MARCHF1: variants seen among roughly 807,000 people sequenced by gnomAD.
MARCHF1 encodes the protein membrane associated ring-CH-type finger 1.
Under a neutral mutation model 54.2 loss-of-function variants are expected in MARCHF1, and 40 were observed. That is an observed-to-expected ratio of 0.74 (90% CI 0.57 to 0.96). MARCHF1 has a LOEUF of 0.96. MARCHF1 is among the 40% of genes least tolerant of loss of function. The pLI is 0.00. For missense variants in MARCHF1, 586 were observed against 656.5 expected (o/e 0.89, Z 1.17); for synonymous variants, 236 against 236.3 (o/e 1.00, Z 0.01).
intron 1 of MARCHF1, among the ~76,000 whole-genome samples, chr4:164,150,249 C>T (rs1163530798): frequency 4.6e-5 from 7 of 152,072 alleles, no homozygotes; most frequent in Non-Finnish European, 8.8e-5. Context: ...TAATTTGTTA[C>T]AAACTTTATT....
intron 2 of MARCHF1, among the ~76,000 whole-genome samples, chr4:164,014,936 T>C (rs759434696): frequency 6.0e-4 from 91 of 152,148 alleles, no homozygotes; most frequent in Non-Finnish European, 1.6e-4. Context: ...AATAGCTTGA[T>C]ACTTCAACAC....
At chr4:163,921,742 T>A (rs1162723929) in intron 3 of MARCHF1, among the ~76,000 whole-genome samples, 1 of 152,172 alleles carries the variant, frequency 6.6e-6, no homozygotes, top group Non-Finnish European at 1.5e-5. Flanking sequence ...AAGAATTAAA[T>A]TTTTGGATGA....
intron 1 of MARCHF1, among the ~76,000 whole-genome samples, chr4:164,359,455 A>G (rs530498744): frequency 2.4e-4 from 37 of 152,132 alleles, no homozygotes; most frequent in Admixed American, 7.2e-4. Flanking sequence ...GAAGAGAGAC[A>G]TTTCCTATGG....
At chr4:163,539,001 T>TTTATTTATTTA (rs1738630497) in intron 9 of MARCHF1, among the ~76,000 whole-genome samples, 5 of 148,990 alleles carry the variant, frequency 3.4e-5, no homozygotes, top group African/African-American at 1.2e-4. Flanking sequence ...CTCCTGATGC[T>TTTATTTATTTA]TTTATTTATT....
chr4:164,086,900 AAGAC>A (rs1402878331), intron 2 of MARCHF1, among the ~76,000 whole-genome samples: 3 of 152,142 alleles, frequency 2.0e-5, no homozygotes, highest in Non-Finnish European at 4.4e-5. Context: ...TAATTTCAAA[AAGAC>A]AGACAATAAA....
At chr4:164,235,761 A>AT (rs984982828) in intron 1 of MARCHF1, among the ~76,000 whole-genome samples, 14 of 151,560 alleles carry the variant, frequency 9.2e-5, no homozygotes, top group Admixed American at 6.6e-5. Flanking sequence ...GGCCCTGGGG[A>AT]TAAAAAAAAC....
intron 1 of MARCHF1, among the ~76,000 whole-genome samples, chr4:164,129,331 T>G (rs569092121): frequency 2.0e-5 from 3 of 152,316 alleles, no homozygotes; most frequent in Admixed American, 1.3e-4. Context: ...AATTTTATAG[T>G]GGCTTGGTAA....
intron 2 of MARCHF1, among the ~76,000 whole-genome samples, chr4:164,060,988 T>C (rs1039116015): frequency 6.6e-6 from 1 of 152,164 alleles, no homozygotes; most frequent in Non-Finnish European, 1.5e-5. Flanking sequence ...TATTAATTAA[T>C]ACTCTAACAA....
At chr4:163,999,829 T>A (rs1430442678) in intron 2 of MARCHF1, among the ~76,000 whole-genome samples, 1 of 151,672 alleles carries the variant, frequency 6.6e-6, no homozygotes, top group Non-Finnish European at 1.5e-5. Flanking sequence ...ATGATTATTA[T>A]CTCCATTTAA....
At chr4:164,080,302 A>G (rs544670494) in intron 2 of MARCHF1, among the ~76,000 whole-genome samples, 19 of 152,370 alleles carry the variant, frequency 1.2e-4, no homozygotes, top group African/African-American at 4.3e-4. Context: ...GCAGCATCTA[A>G]GCCCTGCTCA....
intron 5 of MARCHF1, among the ~76,000 whole-genome samples, chr4:163,698,701 C>T (rs527922015): frequency 1.3e-5 from 2 of 152,040 alleles, no homozygotes; most frequent in Admixed American, 6.6e-5. Context: ...ACATGATAAA[C>T]GGGCTGGATT....
chr4:163,787,432 T>A (rs1431667567), intron 4 of MARCHF1, among the ~76,000 whole-genome samples: 3 of 151,702 alleles, frequency 2.0e-5, no homozygotes, highest in Non-Finnish European at 4.4e-5. Flanking sequence ...AGACATCTCT[T>A]CAGAGAAGAC....
chr4:164,066,632 G>T (rs1754735644), intron 2 of MARCHF1, among the ~76,000 whole-genome samples: 2 of 152,178 alleles, frequency 1.3e-5, no homozygotes, highest in African/African-American at 2.4e-5. Context: ...GCCCTTCAAT[G>T]ATAGGCTGGA....
intron 1 of MARCHF1, among the ~76,000 whole-genome samples, chr4:164,140,289 G>T (rs965023421): frequency 6.7e-6 from 1 of 149,176 alleles, no homozygotes; most frequent in Non-Finnish European, 1.5e-5. Context: ...CTATAGAATT[G>T]ATGTTTATCA....
At chr4:163,673,166 C>T (rs75512120) in intron 5 of MARCHF1, among the ~76,000 whole-genome samples, 4,791 of 152,222 alleles carry the variant, frequency 0.031, 92 homozygotes, top group Middle Eastern at 0.048. Context: ...TTTAGAGCAA[C>T]TAATTTTCAT....
chr4:164,052,506 TG>T (rs1160692717), intron 2 of MARCHF1, among the ~76,000 whole-genome samples: 3 of 151,980 alleles, frequency 2.0e-5, no homozygotes, highest in South Asian at 4.2e-4. Flanking sequence ...CACTGCAGCC[TG>T]GGTGACAGAG....
intron 1 of MARCHF1, among the ~76,000 whole-genome samples, chr4:164,120,925 G>C (rs920686025): frequency 2.6e-5 from 4 of 151,434 alleles, no homozygotes; most frequent in Admixed American, 1.3e-4. Flanking sequence ...TGAATAACTA[G>C]AAAACAAGAG....
At chr4:163,830,990 G>C (rs1009890900) in intron 4 of MARCHF1, among the ~76,000 whole-genome samples, 3 of 152,068 alleles carry the variant, frequency 2.0e-5, no homozygotes, top group Non-Finnish European at 4.4e-5. Context: ...GTATTGGTGG[G>C]GGCTCTTGTT....
chr4:163,822,035 T>C (rs970378934), intron 4 of MARCHF1, among the ~76,000 whole-genome samples: 1 of 151,948 alleles, frequency 6.6e-6, no homozygotes, highest in Admixed American at 6.6e-5. Context: ...TAACTTTGCA[T>C]GATTTTGTTA....
Sources: gnomAD v4.1 joint callset for allele counts (sites outside exome capture counted in the v4.1 genomes callset) on GRCh38, gnomAD v4.1.1 for gene constraint, MANE v1.5 for transcripts, NCBI Gene and HGNC (gene_info 2026-07-23, HGNC 2026-07-21) for gene names.